The following MMP16 variants were observed in gnomAD, a reference collection of about 807,000 sequenced individuals.
MMP16 encodes the protein matrix metalloproteinase-16.
Under a neutral mutation model 67.8 loss-of-function variants are expected in MMP16, and 12 were observed. The observed-to-expected ratio is 0.18, with a 90% CI of 0.11 to 0.29. The LOEUF is 0.29. Ranked by LOEUF, MMP16 falls within the 10% of genes least tolerant of loss-of-function variation. The probability of loss-of-function intolerance (pLI) is 1.00; values close to 1 mark genes in which losing one functional copy is unlikely to be tolerated. For synonymous variants in MMP16, 249 were observed against 255.9 expected (o/e 0.97, Z 0.26); for missense variants, 475 against 765.7 (o/e 0.62, Z 4.48).
At chr8:88,276,589 T>C (rs1007447140) in intron 1 of MMP16, among the ~76,000 whole-genome samples, 1 of 152,122 alleles carries the variant, frequency 6.6e-6, no homozygotes, top group African/African-American at 2.4e-5. Context: ...TTTTAAAATT[T>C]CCTTTAAATA....
chr8:88,074,346 A>G (rs1808609425), intron 7 of MMP16, among the ~76,000 whole-genome samples: 1 of 152,150 alleles, frequency 6.6e-6, no homozygotes. Flanking sequence ...TATATCTATT[A>G]ATCTTTTTTT....
chr8:88,053,162 T>C (rs545253582), intron 8 of MMP16, among the ~76,000 whole-genome samples: 3 of 152,292 alleles, frequency 2.0e-5, no homozygotes, highest in Non-Finnish European at 4.4e-5. Context: ...TAGAATGTGC[T>C]GCCTCATGTT....
At chr8:88,317,175 A>G (rs1188368479) in intron 1 of MMP16, among the ~76,000 whole-genome samples, 1 of 152,154 alleles carries the variant, frequency 6.6e-6, no homozygotes, top group Non-Finnish European at 1.5e-5. Flanking sequence ...GATTGACTCT[A>G]ATTTTGAAAA....
chr8:88,245,069 C>A (rs1179612325), intron 1 of MMP16, among the ~76,000 whole-genome samples: 1 of 152,096 alleles, frequency 6.6e-6, no homozygotes, highest in Non-Finnish European at 1.5e-5. Flanking sequence ...GGTTTTAATT[C>A]AAAATCTCTA....
At chr8:88,073,374 C>A (rs1354085952) in intron 7 of MMP16, among the ~76,000 whole-genome samples, 1 of 152,108 alleles carries the variant, frequency 6.6e-6, no homozygotes, top group Non-Finnish European at 1.5e-5. Flanking sequence ...ACATGCCAGG[C>A]ACTTTACATG....
rs375683157 is a variant in MMP16, at chr8:88,120,648, C to T, written c.710-1787G>A. 2.0e-4 allele frequency among the ~76,000 whole-genome samples: 30 copies of T among 151,946 alleles called. No homozygotes were observed. In the South Asian group the frequency reaches 4.6e-3, roughly 23 times the overall value. Reference sequence around the variant, plus strand: ...AGCAAAAGAAGCCCAGGCAGTCTAACGAACAGCAGAAAACTCAGGAATTGG... The same window carrying T: ...AGCAAAAGAAGCCCAGGCAGTCTAATGAACAGCAGAAAACTCAGGAATTGG... On this transcript the variant is annotated intron_variant, in intron 4 of 9. Transcript: ENST00000286614.
At chr8:88,068,489 T>G (rs1342528364) in intron 7 of MMP16, among the ~76,000 whole-genome samples, 1 of 152,096 alleles carries the variant, frequency 6.6e-6, no homozygotes, top group Non-Finnish European at 1.5e-5. Flanking sequence ...CACAAACTTT[T>G]GTATCCTATG....
At chr8:88,323,353 C>T (rs764558590) in intron 1 of MMP16, among the ~76,000 whole-genome samples, 1 of 152,052 alleles carries the variant, frequency 6.6e-6, no homozygotes, top group Admixed American at 6.6e-5. Flanking sequence ...GCAGGCAAAC[C>T]TGACAAAGGT....
intron 1 of MMP16, among the ~76,000 whole-genome samples, chr8:88,285,325 C>T (rs1047284371): frequency 3.3e-5 from 5 of 151,860 alleles, no homozygotes; most frequent in East Asian, 3.9e-4. Flanking sequence ...TTTTTAGTAG[C>T]GATGGGGTTT....
In MMP16 at chr8:88,039,906, T is replaced by C. The variant is rs1282103380; in HGVS notation, c.*1555A>G. On this transcript the variant is annotated 3_prime_UTR_variant, in exon 10 of 10. Coordinates refer to ENST00000286614, the MANE Select transcript of MMP16 (RefSeq NM_005941.5). The surrounding 1 kb of genome is among the most constrained non-coding windows in gnomAD (Gnocchi z 4.5). ...CAAATTACACTCAACAATGAAATGC[T>C]TTGGTGGTCTCTTGGCTCTGTCAGT... 2.0e-5 allele frequency: 3 copies of C among 152,620 alleles called. No homozygotes were observed. The highest frequency in any genetic ancestry group is 2.9e-5 in the Non-Finnish European group (2 of 68,030). The allele number at this position is 152,620 out of a possible 1,614,324, so 9.5% of individuals were successfully genotyped here. A position where few individuals can be genotyped will look rare whatever the true frequency, so the allele number is the denominator to read the frequency against.
chr8:88,089,968 G>A (rs942414711), intron 6 of MMP16, among the ~76,000 whole-genome samples: 9 of 151,880 alleles, frequency 5.9e-5, no homozygotes, highest in African/African-American at 1.9e-4. Flanking sequence ...TATTATGTTG[G>A]GAGATAACAG....
chr8:88,051,516 T>C (rs1439136178), intron 8 of MMP16, among the ~76,000 whole-genome samples: 3 of 152,150 alleles, frequency 2.0e-5, no homozygotes, highest in African/African-American at 7.2e-5. Context: ...AGATTAGCAG[T>C]CTTAATCAAT....
chr8:88,239,308 A>AAAAG (rs1554587888), intron 1 of MMP16, among the ~76,000 whole-genome samples: 2 of 151,490 alleles, frequency 1.3e-5, no homozygotes, highest in African/African-American at 4.8e-5. Context: ...AAAAAAAAAA[A>AAAAG]AAAAAAGAAA....
chr8:88,248,242 A>G (rs1352984760), intron 1 of MMP16, among the ~76,000 whole-genome samples: 1 of 152,132 alleles, frequency 6.6e-6, no homozygotes, highest in Admixed American at 6.6e-5. Context: ...AGTTGAAGTA[A>G]GCATATTGAA....
Position 88,282,263 on chromosome 8 carries a change from T to TG in MMP16, c.132+44811dup, listed in dbSNP as rs564885814. On this transcript the variant is annotated intron_variant, in intron 1 of 9. Coordinates refer to ENST00000286614, the MANE Select transcript of MMP16 (RefSeq NM_005941.5). The stretch of plus-strand genomic sequence containing the variant: ...CTAATTTTTGTATTTTTTGTAGAGA[T>TG]GGGGTTTCACCATGTTGGTCAAGCT... Among the ~76,000 whole-genome samples, 4 of 152,046 alleles carry TG rather than the reference T, an allele frequency of 2.6e-5. No homozygotes were observed. In the South Asian group the frequency reaches 6.2e-4, roughly 24 times the overall value.
chr8:88,248,148 T>C (rs766317240), intron 1 of MMP16, among the ~76,000 whole-genome samples: 85 of 152,192 alleles, frequency 5.6e-4, no homozygotes, highest in Middle Eastern at 3.4e-3. Context: ...TACCCACTTA[T>C]GCACAATCTC....
intron 1 of MMP16, among the ~76,000 whole-genome samples, chr8:88,208,699 T>A (rs1417543882): frequency 6.6e-6 from 1 of 151,500 alleles, no homozygotes; most frequent in Non-Finnish European, 1.5e-5. Flanking sequence ...TAAAAAGCCA[T>A]CAATCTTGAA....
At chr8:88,315,459 C>A (rs1321599368) in intron 1 of MMP16, among the ~76,000 whole-genome samples, 3 of 152,098 alleles carry the variant, frequency 2.0e-5, no homozygotes, top group Admixed American at 6.6e-5. Context: ...AAAACAGAGA[C>A]CCAAAAACTC....
intron 1 of MMP16, among the ~76,000 whole-genome samples, chr8:88,203,104 C>CTTTTTTTT (rs33928858): frequency 8.1e-6 from 1 of 123,164 alleles, no homozygotes; most frequent in Non-Finnish European, 1.6e-5. Flanking sequence ...ACCAGAACTT[C>CTTTTTTTT]TTTTTTTTTT....
Sources: gnomAD v4.1 joint callset for allele counts (sites outside exome capture counted in the v4.1 genomes callset) on GRCh38, gnomAD v4.1.1 for gene constraint, Gnocchi (gnomAD v3.1) non-coding constraint, MANE v1.5 for transcripts, NCBI Gene and HGNC (gene_info 2026-07-23, HGNC 2026-07-21) for gene names.